Variants in SMAD1 observed in about 807,000 individuals in gnomAD.
The protein encoded by SMAD1 is SMAD family member 1, also known as MAD, mothers against decapentaplegic homolog 1.
A neutral mutation model predicts 41.6 loss-of-function variants in SMAD1; 6 were observed. That is an observed-to-expected ratio of 0.14 (90% CI 0.08 to 0.28). The LOEUF (loss-of-function observed/expected upper bound fraction) is 0.28, where lower values mean the gene tolerates loss of function less well. Ranked by LOEUF, SMAD1 falls within the 10% of genes least tolerant of loss-of-function variation. SMAD1 has a pLI of 1.00. For synonymous variants in SMAD1, 206 were observed against 203.2 expected (o/e 1.01, Z -0.12); for missense variants, 379 against 582.6 (o/e 0.65, Z 3.60).
intron 2 of SMAD1, among the ~76,000 whole-genome samples, chr4:145,519,675 T>C (rs1578782245): frequency 6.6e-6 from 1 of 152,062 alleles, no homozygotes; most frequent in Non-Finnish European, 1.5e-5. Flanking sequence ...AACCCACTTT[T>C]TTAGCAATTT....
At chr4:145,507,175 G>A (rs537004667) in intron 1 of SMAD1, among the ~76,000 whole-genome samples, 2 of 141,742 alleles carry the variant, frequency 1.4e-5, no homozygotes, top group African/African-American at 5.1e-5. Context: ...ATTTTTGTGG[G>A]TTTTTTTTTT....
intron 6 of SMAD1, among the ~76,000 whole-genome samples, chr4:145,556,062 A>T (rs559792885): frequency 4.0e-4 from 61 of 152,362 alleles, no homozygotes; most frequent in African/African-American, 1.4e-3. Flanking sequence ...CTCCCATTCA[A>T]CATTTTAAAG....
At chr4:145,538,471 CAT>C (rs1190672000) in intron 2 of SMAD1, among the ~76,000 whole-genome samples, 10 of 152,080 alleles carry the variant, frequency 6.6e-5, no homozygotes, top group African/African-American at 2.4e-4. Flanking sequence ...AAATATAGCA[CAT>C]GAGAAATTTT....
chr4:145,521,900 T>TAAAAAAA (rs10713518), intron 2 of SMAD1, among the ~76,000 whole-genome samples: 1 of 124,064 alleles, frequency 8.1e-6, no homozygotes. Flanking sequence ...TGGTTTTCTG[T>TAAAAAAA]AAAAAAAAAA....
intron 1 of SMAD1, among the ~76,000 whole-genome samples, chr4:145,506,551 C>T (rs962844761): frequency 1.3e-5 from 2 of 152,070 alleles, no homozygotes; most frequent in Middle Eastern, 3.2e-3. Context: ...TATAAAACAG[C>T]CTCTAGTCTG....
intron 1 of SMAD1, among the ~76,000 whole-genome samples, chr4:145,488,160 T>C (rs557900514): frequency 2.6e-5 from 4 of 152,170 alleles, no homozygotes; most frequent in African/African-American, 9.6e-5. Context: ...GCAGTATAGA[T>C]TGGTTTCTTA....
chr4:145,553,933 T>G lies in SMAD1; in HGVS notation c.1147T>G (p.Phe383Val), dbSNP rs1164957793. ...KIPSGCSLKI[F>V]NNQEFAQLLA... ...CCCTAGTGGGTGTAGTCTGAAAATT[T>G]TTAACAACCAAGAATTTGCTCAGTT... The change falls in exon 6 of 7, where the codon TTT becomes GTT. Residue 383 changes from phenylalanine to valine, a missense_variant. This residue lies in a region of SMAD1 where 107 missense variants were observed against 218.3 expected (regional missense o/e 0.49). Coordinates refer to ENST00000302085, the MANE Select transcript of SMAD1 (RefSeq NM_005900.3). 1.2e-6 allele frequency: 2 copies of G among 1,614,056 alleles called. No homozygotes were observed. The highest frequency in any genetic ancestry group is 1.7e-6 in the Non-Finnish European group (2 of 1,180,040).
At chr4:145,489,526 A>G (rs1373036664) in intron 1 of SMAD1, among the ~76,000 whole-genome samples, 1 of 152,238 alleles carries the variant, frequency 6.6e-6, no homozygotes, top group Non-Finnish European at 1.5e-5. Context: ...TTATGTGGCT[A>G]TAAAGTAATG....
At chr4:145,497,652 T>A (rs1236573646) in intron 1 of SMAD1, 2 of 152,214 alleles carry the variant, frequency 1.3e-5, no homozygotes, top group Admixed American at 1.3e-4. Context: ...TTTTCCATTG[T>A]AATTGGTAAA....
At chr4:145,489,503 G>A (rs1578733632) in intron 1 of SMAD1, among the ~76,000 whole-genome samples, 1 of 152,154 alleles carries the variant, frequency 6.6e-6, no homozygotes, top group Non-Finnish European at 1.5e-5. Context: ...AAAAAACCAT[G>A]AAGGCTTGGT....
intron 4 of SMAD1, among the ~76,000 whole-genome samples, chr4:145,543,973 A>G (rs1185473343): frequency 6.6e-6 from 1 of 152,204 alleles, no homozygotes; most frequent in Non-Finnish European, 1.5e-5. Flanking sequence ...GGAGTTGCTT[A>G]TATTTTTAAG....
chr4:145,505,746 C>G (rs1045196669), intron 1 of SMAD1, among the ~76,000 whole-genome samples: 2 of 152,002 alleles, frequency 1.3e-5, no homozygotes, highest in African/African-American at 4.8e-5. Flanking sequence ...ACCAGTCTAT[C>G]TGTTTAAGAA....
upstream of SMAD1, chr4:145,481,572 G>A (rs929568112): frequency 5.3e-5 from 8 of 152,310 alleles, no homozygotes; most frequent in Admixed American, 3.9e-4. Flanking sequence ...CCTGAACGCC[G>A]CCACACTGTT....
At chr4:145,529,693 G>A (rs935329303) in intron 2 of SMAD1, among the ~76,000 whole-genome samples, 1 of 152,196 alleles carries the variant, frequency 6.6e-6, no homozygotes, top group Non-Finnish European at 1.5e-5. Context: ...CCAATACTGT[G>A]TAGAGTTTTT....
rs1728270996 is a variant in SMAD1 at position 145,482,865 on chromosome 4, CTTTG to C, written c.-177+830_-177+833del. On this transcript the variant is annotated intron_variant, in intron 1 of 6. Coordinates refer to ENST00000302085, the MANE Select transcript of SMAD1 (RefSeq NM_005900.3). The surrounding 1 kb of genome is among the most constrained non-coding windows in gnomAD (Gnocchi z 4.2). ...ACTGTTCCTTTACTCTGCTCCCTGT[CTTTG>C]TTAGTGTTTCTCGGGGTTGTTTCTG... is the stretch of plus-strand genomic sequence containing the variant. The C allele has an allele frequency of 6.6e-6, 1 of 152,122 alleles. No individual in the cohort carries two copies. The allele number at this position is 152,122 out of a possible 1,614,324, so 9.4% of individuals were successfully genotyped here. A position where few individuals can be genotyped will look rare whatever the true frequency, so the allele number is the denominator to read the frequency against.
chr4:145,553,667 G>A lies in SMAD1; in HGVS notation c.998-117G>A, dbSNP rs1280350994. Reference sequence around the variant, plus strand: ...TTGTACAGGACCTAGAGAATAGCTAGCTAACTAGCCAAAGTTTAAATCCAT... The same window carrying A: ...TTGTACAGGACCTAGAGAATAGCTAACTAACTAGCCAAAGTTTAAATCCAT... On this transcript the variant is annotated intron_variant, in intron 5 of 6. Coordinates refer to ENST00000302085, the MANE Select transcript of SMAD1 (RefSeq NM_005900.3). The A allele has an allele frequency of 8.6e-6, 8 of 935,152 alleles. No homozygotes were observed. The African/African-American group carries it at 1.3e-4, about 15-fold the overall frequency. 57.9% of individuals were successfully genotyped at this position (935,152 alleles called of 1,614,324 possible). A position where few individuals can be genotyped will look rare whatever the true frequency, so the allele number is the denominator to read the frequency against.
At chr4:145,533,084 A>T (rs952934806) in intron 2 of SMAD1, among the ~76,000 whole-genome samples, 2 of 152,228 alleles carry the variant, frequency 1.3e-5, no homozygotes, top group Non-Finnish European at 2.9e-5. Context: ...AGGATTCCAC[A>T]CAGGGAGAGA....
At chr4:145,512,663 C>T (rs1281587458) in intron 1 of SMAD1, among the ~76,000 whole-genome samples, 1 of 152,124 alleles carries the variant, frequency 6.6e-6, no homozygotes, top group South Asian at 2.1e-4. Flanking sequence ...ATCATTAATA[C>T]TTTAAAGTCT....
At chr4:145,533,111 T>C (rs1731413576) in intron 2 of SMAD1, among the ~76,000 whole-genome samples, 1 of 152,232 alleles carries the variant, frequency 6.6e-6, no homozygotes, top group Non-Finnish European at 1.5e-5. Context: ...GGCCTTGTTA[T>C]TTTAGAGCAG....
Sources: allele counts gnomAD v4.1 joint callset (sites outside exome capture counted in the v4.1 genomes callset), GRCh38; gene constraint gnomAD v4.1.1; regional missense constraint gnomAD v4.1.1; non-coding constraint Gnocchi (gnomAD v3.1); transcripts MANE v1.5; gene names NCBI Gene and HGNC (gene_info 2026-07-23, HGNC 2026-07-21).